Variants in RORB observed in about 807,000 individuals in gnomAD.
The protein encoded by RORB is RAR related orphan receptor B, also known as nuclear receptor ROR-beta.
Under a neutral mutation model 59.1 loss-of-function variants are expected in RORB, and 6 were observed. That is an observed-to-expected ratio of 0.10 (90% CI 0.06 to 0.20). The LOEUF (loss-of-function observed/expected upper bound fraction) is 0.20. Among genes scored for constraint, RORB ranks in the 10% least tolerant of loss-of-function variants. The pLI is 1.00. For synonymous variants in RORB, 215 were observed against 204.5 expected, an observed-to-expected ratio of 1.05 and a Z score of -0.44; for missense variants, 320 against 560.5, an observed-to-expected ratio of 0.57 and a Z score of 4.33.
chr9:74,592,973 T>C (rs1346658723), intron 1 of RORB, among the ~76,000 whole-genome samples: 1 of 152,106 alleles, frequency 6.6e-6, no homozygotes, highest in Non-Finnish European at 1.5e-5. Flanking sequence ...CTTCCTTGTA[T>C]CCATAGACCG....
At chr9:74,529,564 G>A in intron 1 of RORB, among the ~76,000 whole-genome samples, 1 of 151,378 alleles carries the variant, frequency 6.6e-6, no homozygotes, top group East Asian at 1.9e-4. Flanking sequence ...AATTAAAATA[G>A]TAAAATATAC....
chr9:74,552,617 G>GAA (rs1826629397), intron 1 of RORB, among the ~76,000 whole-genome samples: 1 of 151,604 alleles, frequency 6.6e-6, no homozygotes, highest in African/African-American at 2.4e-5. Context: ...TGAGCAAAAG[G>GAA]GCTTCTTTTG....
intron 1 of RORB, among the ~76,000 whole-genome samples, chr9:74,500,261 C>T (rs1440101908): frequency 6.6e-6 from 1 of 152,110 alleles, no homozygotes; most frequent in Non-Finnish European, 1.5e-5. Flanking sequence ...TCCTGGTTGC[C>T]CTTTCCTGAC....
chr9:74,600,270 T>C (rs1373821262), intron 1 of RORB, among the ~76,000 whole-genome samples: 1 of 152,228 alleles, frequency 6.6e-6, no homozygotes, highest in East Asian at 1.9e-4. Context: ...GTGAAGGCAA[T>C]GTCTTAAAGG....
chr9:74,649,300 C>T (rs1036123713), intron 4 of RORB, among the ~76,000 whole-genome samples: 1 of 152,112 alleles, frequency 6.6e-6, no homozygotes, highest in African/African-American at 2.4e-5. Flanking sequence ...TCACCTGGGT[C>T]ATTGGAGAGG....
At chr9:74,624,012 A>G (rs1587390843) in intron 1 of RORB, among the ~76,000 whole-genome samples, 1 of 152,180 alleles carries the variant, frequency 6.6e-6, no homozygotes, top group East Asian at 1.9e-4. Context: ...CTGTTGTTTC[A>G]GTCCTCTGGG....
intron 3 of RORB, among the ~76,000 whole-genome samples, chr9:74,641,777 T>C (rs1313624373): frequency 6.6e-6 from 1 of 151,028 alleles, no homozygotes; most frequent in Non-Finnish European, 1.5e-5. Flanking sequence ...CCTGGCGGCA[T>C]GCACCTGCAG....
At chr9:74,558,086 T>C (rs1245781581) in intron 1 of RORB, among the ~76,000 whole-genome samples, 2 of 152,226 alleles carry the variant, frequency 1.3e-5, no homozygotes, top group Non-Finnish European at 1.5e-5. Flanking sequence ...ATTATGTATA[T>C]ATTTTCATTA....
chr9:74,517,294 T>C (rs1375590912), intron 1 of RORB, among the ~76,000 whole-genome samples: 1 of 152,012 alleles, frequency 6.6e-6, no homozygotes, highest in Non-Finnish European at 1.5e-5. Flanking sequence ...ATGATTCCAA[T>C]GTTGTTTTCT....
intron 1 of RORB, among the ~76,000 whole-genome samples, chr9:74,580,814 A>C (rs569499807): frequency 6.6e-6 from 1 of 152,300 alleles, no homozygotes; most frequent in African/African-American, 2.4e-5. Flanking sequence ...ACTGTGCCTC[A>C]GTTACTTTGA....
chr9:74,636,608 G>A (rs1056342883), intron 3 of RORB, among the ~76,000 whole-genome samples: 3 of 152,158 alleles, frequency 2.0e-5, no homozygotes. Flanking sequence ...ATGCAAATAA[G>A]AGCAATATAG....
At chr9:74,658,004 CAAAAAAAAA>C (rs60719147) in intron 4 of RORB, among the ~76,000 whole-genome samples, 39 of 97,804 alleles carry the variant, frequency 4.0e-4, no homozygotes, top group Middle Eastern at 6.3e-3. Context: ...GACTCGGTCT[CAAAAAAAAA>C]AAAAAAAAAA....
chr9:74,642,887 T>C, intron 4 of RORB, 72 bp downstream of exon 4: 1 of 1,207,980 alleles, frequency 8.3e-7, no homozygotes, highest in Middle Eastern at 2.0e-4. Context: ...CTATTTAGTA[T>C]GGTAATTTTC....
At chr9:74,583,451 G>A (rs1408858823) in intron 1 of RORB, among the ~76,000 whole-genome samples, 1 of 151,722 alleles carries the variant, frequency 6.6e-6, no homozygotes, top group African/African-American at 2.4e-5. Flanking sequence ...ATTATATCCT[G>A]AATTTGGGTT....
At chr9:74,552,199 A>C (rs1826621554) in intron 1 of RORB, among the ~76,000 whole-genome samples, 1 of 152,224 alleles carries the variant, frequency 6.6e-6, no homozygotes, top group Non-Finnish European at 1.5e-5. Flanking sequence ...ACTGTAAGAA[A>C]TGGGCTGATT....
At chr9:74,628,242 G>T (rs181241060) in intron 1 of RORB, among the ~76,000 whole-genome samples, 3 of 152,150 alleles carry the variant, frequency 2.0e-5, no homozygotes, top group African/African-American at 4.8e-5. Context: ...AAAATAAAAA[G>T]AAATGAATAG....
chr9:74,664,549 A>G (rs1334736467), intron 6 of RORB, among the ~76,000 whole-genome samples: 1 of 152,234 alleles, frequency 6.6e-6, no homozygotes, highest in Non-Finnish European at 1.5e-5. Context: ...AGTTCCTTCC[A>G]TTGTGTAGAT....
intron 1 of RORB, among the ~76,000 whole-genome samples, chr9:74,580,594 A>G (rs1822707305): frequency 6.6e-6 from 1 of 152,160 alleles, no homozygotes; most frequent in Non-Finnish European, 1.5e-5. Flanking sequence ...ATAATTCTAT[A>G]ATGATTTTTT....
intron 1 of RORB, among the ~76,000 whole-genome samples, chr9:74,523,008 C>T (rs1459406874): frequency 6.6e-6 from 1 of 151,804 alleles, no homozygotes; most frequent in Non-Finnish European, 1.5e-5. Flanking sequence ...AAGCAGTAAA[C>T]ATTTGGTAGA....
Sources: allele counts gnomAD v4.1 joint callset (sites outside exome capture counted in the v4.1 genomes callset), GRCh38; gene constraint gnomAD v4.1.1; transcripts MANE v1.5; gene names NCBI Gene and HGNC (gene_info 2026-07-23, HGNC 2026-07-21).